DOCK3: variants seen among roughly 807,000 people sequenced by gnomAD.
DOCK3 encodes dedicator of cytokinesis protein 3.
In DOCK3, 60 loss-of-function variants were observed where a neutral mutation model predicts 265.6. The observed-to-expected ratio is 0.23, with a 90% CI of 0.18 to 0.28. The LOEUF (loss-of-function observed/expected upper bound fraction) is 0.28, where lower values mean the gene tolerates loss of function less well. DOCK3 is among the 10% of genes least tolerant of loss of function. The pLI, the probability that DOCK3 is intolerant of heterozygous loss-of-function variation, is 1.00. For missense variants in DOCK3, 1,981 were observed against 2,594.3 expected (o/e 0.76, Z 5.14); for synonymous variants, 881 against 938.0 (o/e 0.94, Z 1.11).
At chr3:50,728,877 C>T (rs752920774) in intron 1 of DOCK3, among the ~76,000 whole-genome samples, 43 of 139,076 alleles carry the variant, frequency 3.1e-4, no homozygotes, top group Non-Finnish European at 5.4e-4. Flanking sequence ...TACCTGCCAC[C>T]GCATTGGGCT....
intron 9 of DOCK3, among the ~76,000 whole-genome samples, chr3:51,143,406 A>G (rs988144547): frequency 1.8e-4 from 27 of 149,960 alleles, no homozygotes; most frequent in Non-Finnish European, 3.6e-4. Flanking sequence ...AGTAGCTGGG[A>G]TTACAGGCAC....
chr3:50,724,801 G>A (rs1336536930), intron 1 of DOCK3, among the ~76,000 whole-genome samples: 3 of 152,090 alleles, frequency 2.0e-5, no homozygotes, highest in African/African-American at 4.8e-5. Flanking sequence ...AAACCTGCAC[G>A]TTGTGCACAT....
At chr3:50,949,677 T>C (rs913990444) in intron 5 of DOCK3, among the ~76,000 whole-genome samples, 1 of 152,166 alleles carries the variant, frequency 6.6e-6, no homozygotes, top group Non-Finnish European at 1.5e-5. Flanking sequence ...TTGGGAATCA[T>C]TCAAGGTTTT....
intron 18 of DOCK3, 26 bp from the exon 19 acceptor site, chr3:51,229,486 C>T: frequency 6.6e-7 from 1 of 1,515,782 alleles, no homozygotes; most frequent in Non-Finnish European, 8.9e-7. Context: ...TTCAAGGGTT[C>T]CTCATCTTTT....
chr3:51,259,475 G>A (rs191596558), intron 22 of DOCK3, among the ~76,000 whole-genome samples: 6 of 152,226 alleles, frequency 3.9e-5, no homozygotes, highest in African/African-American at 9.6e-5. Context: ...CATGGGCCAA[G>A]CGTCAGGAAC....
At chr3:51,227,956 C>A (rs757477083) in intron 16 of DOCK3, 26 bp from the exon 17 acceptor site, 1 of 1,610,984 alleles carries the variant, frequency 6.2e-7, no homozygotes, top group Admixed American at 1.7e-5. Flanking sequence ...AGGCAAAAAA[C>A]AACTAATACT....
intron 12 of DOCK3, among the ~76,000 whole-genome samples, chr3:51,170,965 T>C (rs545403265): frequency 1.9e-4 from 29 of 151,828 alleles, no homozygotes; most frequent in African/African-American, 6.0e-4. Context: ...AAAAAAAGAT[T>C]TGTCAATTTA....
chr3:51,228,092 TG>T lies in DOCK3; in HGVS notation c.1647+5del. The stretch of plus-strand genomic sequence containing the variant: ...TCACGAGCTTTATGTGTACAAGGTA[TG>T]AAGCCTAGCTGCCTTTCATCCCCAC... On this transcript the variant is annotated splice_donor_5th_base_variant and intron_variant, in intron 17 of 52. Transcript: ENST00000266037. The T allele has an allele frequency of 6.2e-7, 1 of 1,613,958 alleles. No individual in the cohort carries two copies. Among genetic ancestry groups the T allele is most frequent in the Non-Finnish European group, 8.5e-7 (1 of 1,179,824 alleles).
intron 2 of DOCK3, among the ~76,000 whole-genome samples, chr3:50,813,227 G>GA (rs2043868820): frequency 6.6e-6 from 1 of 152,182 alleles, no homozygotes; most frequent in Admixed American, 6.5e-5. Flanking sequence ...ATGATAAATT[G>GA]AAAATATCAT....
intron 2 of DOCK3, among the ~76,000 whole-genome samples, chr3:50,809,424 C>T (rs1451169950): frequency 1.3e-5 from 2 of 152,194 alleles, no homozygotes; most frequent in African/African-American, 2.4e-5. Flanking sequence ...ATACCAAGTG[C>T]TAGTGAGAAT....
intron 5 of DOCK3, among the ~76,000 whole-genome samples, chr3:51,061,805 C>T (rs565370120): frequency 6.6e-6 from 1 of 152,246 alleles, no homozygotes; most frequent in South Asian, 2.1e-4. Context: ...CTGCTTACTC[C>T]TTCTAGTTTC....
At chr3:50,758,536 C>T (rs952014578) in intron 1 of DOCK3, among the ~76,000 whole-genome samples, 5 of 152,010 alleles carry the variant, frequency 3.3e-5, no homozygotes, top group Non-Finnish European at 7.4e-5. Context: ...CTGAACGCGC[C>T]GATCTCGTCT....
At chr3:50,900,044 C>T (rs527355981) in intron 4 of DOCK3, among the ~76,000 whole-genome samples, 28 of 152,238 alleles carry the variant, frequency 1.8e-4, no homozygotes, top group African/African-American at 6.0e-4. Context: ...GGGAAAAGTT[C>T]TCCTGGATAA....
intron 27 of DOCK3, among the ~76,000 whole-genome samples, chr3:51,306,968 T>C (rs1247155416): frequency 6.6e-6 from 1 of 152,220 alleles, no homozygotes; most frequent in African/African-American, 2.4e-5. Flanking sequence ...TATCTTATAA[T>C]ATTTTGTTGA....
At chr3:51,110,039 G>T (rs1392415856) in intron 9 of DOCK3, among the ~76,000 whole-genome samples, 1 of 152,082 alleles carries the variant, frequency 6.6e-6, no homozygotes, top group African/African-American at 2.4e-5. Context: ...ACACCTCTGT[G>T]CATGCAAACT....
At chr3:51,262,204 C>T (rs1368946937) in intron 23 of DOCK3, among the ~76,000 whole-genome samples, 1 of 152,180 alleles carries the variant, frequency 6.6e-6, no homozygotes, top group Admixed American at 6.5e-5. Context: ...TGGGACGAAG[C>T]TTCCAGAGGA....
At chr3:51,365,178 G>A (rs561143453) in intron 49 of DOCK3, among the ~76,000 whole-genome samples, 3 of 152,298 alleles carry the variant, frequency 2.0e-5, no homozygotes, top group South Asian at 2.1e-4. Context: ...GTGGTTTGTG[G>A]TTCTTCTTGA....
chr3:50,849,061 G>A (rs1035996257), intron 3 of DOCK3, among the ~76,000 whole-genome samples: 1 of 152,032 alleles, frequency 6.6e-6, no homozygotes, highest in African/African-American at 2.4e-5. Flanking sequence ...TTGAGATGGG[G>A]TCTTGCTCTG....
intron 33 of DOCK3, among the ~76,000 whole-genome samples, chr3:51,332,330 G>A (rs2084578439): frequency 6.6e-6 from 1 of 152,238 alleles, no homozygotes; most frequent in Admixed American, 6.5e-5. Context: ...CAGAAGCCAG[G>A]CTTTTGGAGA....
Sources: allele counts gnomAD v4.1 joint callset (sites outside exome capture counted in the v4.1 genomes callset), GRCh38; gene constraint gnomAD v4.1.1; transcripts MANE v1.5; gene names NCBI Gene and HGNC (gene_info 2026-07-23, HGNC 2026-07-21).